The following TBC1D23 variants were observed in gnomAD, a reference collection of about 807,000 sequenced individuals.
TBC1D23 encodes HCV non-structural protein 4A-transactivated protein 1.
TBC1D23 carries 55 observed loss-of-function variants against 91.4 expected under a neutral mutation model. The ratio of observed to expected loss-of-function variants is 0.60; its 90% confidence interval spans 0.48 to 0.75. The LOEUF is 0.75. Among genes scored for constraint, TBC1D23 ranks in the 30% least tolerant of loss-of-function variants. TBC1D23 has a pLI of 0.00. For missense variants in TBC1D23, 725 were observed against 836.1 expected (o/e 0.87, Z 1.64); for synonymous variants, 289 against 281.0 (o/e 1.03, Z -0.28).
At chr3:100,320,373 A>C (rs1356123442) in intron 17 of TBC1D23, among the ~76,000 whole-genome samples, 1 of 152,184 alleles carries the variant, frequency 6.6e-6, no homozygotes, top group South Asian at 2.1e-4. Flanking sequence ...GAAACCCAAC[A>C]ATTGCCTAGT....
chr3:100,308,475 T>C (rs1374494471), intron 13 of TBC1D23, among the ~76,000 whole-genome samples: 1 of 144,766 alleles, frequency 6.9e-6, no homozygotes, highest in Admixed American at 6.9e-5. Flanking sequence ...AGACTCCGTC[T>C]CAAAAAAAAA....
In TBC1D23 at chr3:100,323,890, C is replaced by T. The variant is rs1260735402; in HGVS notation, c.*222C>T. 9.6e-6 allele frequency: 2 copies of T among 208,198 alleles called. No homozygotes were observed. The highest frequency in any genetic ancestry group is 2.0e-5 in the Non-Finnish European group (2 of 101,986). The allele number at this position is 208,198 out of a possible 1,614,324, so 12.9% of individuals were successfully genotyped here. A position where few individuals can be genotyped will look rare whatever the true frequency, so the allele number is the denominator to read the frequency against. On this transcript the variant is annotated 3_prime_UTR_variant, in exon 19 of 19. Coordinates refer to ENST00000394144, the MANE Select transcript of TBC1D23 (RefSeq NM_001199198.3). ...TTATAAAATGATGTATTATAAAGGT[C>T]AGTTATTAAATTACTTTGAAGTAAC...
chr3:100,273,990 A>G (rs1288260389), intron 1 of TBC1D23, among the ~76,000 whole-genome samples: 1 of 152,190 alleles, frequency 6.6e-6, no homozygotes, highest in East Asian at 1.9e-4. Context: ...ATATATGTCT[A>G]TATATATGTC....
chr3:100,301,564 G>A (rs1448533993), intron 10 of TBC1D23, among the ~76,000 whole-genome samples: 1 of 152,002 alleles, frequency 6.6e-6, no homozygotes, highest in African/African-American at 2.4e-5. Context: ...TGTAGTTATT[G>A]TCGTACTTGT....
chr3:100,277,242 C>A (rs1211709756), intron 1 of TBC1D23, among the ~76,000 whole-genome samples: 1 of 152,250 alleles, frequency 6.6e-6, no homozygotes, highest in Non-Finnish European at 1.5e-5. Context: ...TAACAATTTT[C>A]AGCTCTTTAC....
At chr3:100,302,938 A>G (rs1419037457) in intron 11 of TBC1D23, among the ~76,000 whole-genome samples, 2 of 152,218 alleles carry the variant, frequency 1.3e-5, no homozygotes, top group Admixed American at 1.3e-4. Context: ...TACTTTTTAC[A>G]GTAACTATAT....
rs1022727687 is a variant in TBC1D23 at position 100,295,208 on chromosome 3, C to G, written c.722C>G (p.Ala241Gly). 1.3e-6 allele frequency: 2 copies of G among 1,598,576 alleles called. No individual in the cohort carries two copies. The highest frequency in any genetic ancestry group is 1.7e-6 in the Non-Finnish European group (2 of 1,174,800). ...YFLMLIILVN[A>G]KEVILTQESD... ...TTAATGTTAATTATCCTTGTTAATG[C>G]AAAGTAAGTATCTGGTTGGTTAGAT... The change falls in exon 6 of 19, where the codon GCA becomes GGA. Residue 241 changes from alanine to glycine, a missense_variant. Coordinates refer to ENST00000394144, the MANE Select transcript of TBC1D23 (RefSeq NM_001199198.3).
Position 100,286,011 on chromosome 3 carries a change from C to T in TBC1D23, c.476+2200C>T, listed in dbSNP as rs1042775012. On this transcript the variant is annotated intron_variant, in intron 4 of 18. Transcript: ENST00000394144. ...TCAGATATAAGTGGACTGCAAAGAG[C>T]ATAGGTATAGATATTTTTAAATCTC... Among the ~76,000 whole-genome samples, 2 of 151,960 alleles carry T rather than the reference C, an allele frequency of 1.3e-5. 1 individual carries two copies. Among genetic ancestry groups the T allele is most frequent in the Admixed American group, 1.3e-4 (2 of 15,260 alleles).
intron 5 of TBC1D23, among the ~76,000 whole-genome samples, chr3:100,294,265 ATT>A (rs775757936): frequency 2.8e-5 from 4 of 143,484 alleles, no homozygotes; most frequent in Admixed American, 7.0e-5. Context: ...TTTTGTGTTT[ATT>A]TTTTTTTTTT....
chr3:100,320,515 A>G (rs1018688839), intron 17 of TBC1D23, among the ~76,000 whole-genome samples: 1 of 152,162 alleles, frequency 6.6e-6, no homozygotes, highest in Admixed American at 6.5e-5. Context: ...AGTGATTTCT[A>G]TGTTGTATGG....
rs558772113 is a variant in TBC1D23, at chr3:100,316,277, T to A, written c.1687+90T>A. 6.3e-4 allele frequency: 570 copies of A among 906,336 alleles called. 3 individuals are homozygous for A. In the South Asian group the frequency reaches 7.9e-3, roughly 12 times the overall value. 56.1% of individuals were successfully genotyped at this position (906,336 alleles called of 1,614,324 possible). A position where few individuals can be genotyped will look rare whatever the true frequency, so the allele number is the denominator to read the frequency against. Reference sequence around the variant, plus strand: ...TGGGAATAGCCAATCAACTGCTTTTTTAAAAAAATGAGATTCTGTAGAAAT... The same window carrying A: ...TGGGAATAGCCAATCAACTGCTTTTATAAAAAAATGAGATTCTGTAGAAAT... On this transcript the variant is annotated intron_variant, in intron 16 of 18. Transcript: ENST00000394144.
intron 1 of TBC1D23, among the ~76,000 whole-genome samples, chr3:100,275,715 G>C (rs891876980): frequency 6.6e-6 from 1 of 152,042 alleles, no homozygotes; most frequent in African/African-American, 2.4e-5. Context: ...TGATACTTGT[G>C]TTCAAAATTA....
At chr3:100,293,366 C>T (rs1212222738) in intron 5 of TBC1D23, among the ~76,000 whole-genome samples, 1 of 152,138 alleles carries the variant, frequency 6.6e-6, no homozygotes, top group Non-Finnish European at 1.5e-5. Context: ...ATCTCCTGAC[C>T]TCGTGATCCA....
rs1705906364 is a variant in TBC1D23 at position 100,323,770 on chromosome 3, G to T, written c.*102G>T. The T allele has an allele frequency of 2.3e-6, 1 of 429,130 alleles. No homozygotes were observed. Among genetic ancestry groups the T allele is most frequent in the Non-Finnish European group, 3.9e-6 (1 of 259,176 alleles). 26.6% of individuals were successfully genotyped at this position (429,130 alleles called of 1,614,324 possible). On this transcript the variant is annotated 3_prime_UTR_variant, in exon 19 of 19. Transcript: ENST00000394144. ...ACTGGAGACCTTTCATTTGCTCATG[G>T]GGCTGCTTAAATAGCAGGTCTAAGA...
chr3:100,312,781 A>G (rs961691417), intron 15 of TBC1D23, among the ~76,000 whole-genome samples: 2 of 152,112 alleles, frequency 1.3e-5, no homozygotes, highest in African/African-American at 4.8e-5. Flanking sequence ...GGAATAATGG[A>G]ATGGAATTTT....
chr3:100,311,335 A>G (rs912259155), intron 14 of TBC1D23, among the ~76,000 whole-genome samples: 5 of 152,216 alleles, frequency 3.3e-5, no homozygotes, highest in African/African-American at 1.2e-4. Context: ...TAAGTATAGT[A>G]TATATGCATA....
intron 1 of TBC1D23, among the ~76,000 whole-genome samples, chr3:100,277,086 C>G (rs9880795): frequency 0.32 from 48,700 of 152,010 alleles, 8,892 homozygotes; most frequent in Non-Finnish European, 0.41. Flanking sequence ...TCATACCACA[C>G]CAGACATGGA....
intron 1 of TBC1D23, among the ~76,000 whole-genome samples, chr3:100,264,749 G>A (rs967667828): frequency 6.6e-6 from 1 of 152,118 alleles, no homozygotes; most frequent in African/African-American, 2.4e-5. Context: ...TCTTAAAAAG[G>A]CTCAGGATGG....
Position 100,295,067 on chromosome 3 carries a change from A to G in TBC1D23, c.601-20A>G. ...TCACCTCCAGTGGTTTATGTCTCTC[A>G]TTTCATTTCCTGATTACAGCTTGGA... On this transcript the variant is annotated intron_variant, in intron 5 of 18. Coordinates refer to ENST00000394144, the MANE Select transcript of TBC1D23 (RefSeq NM_001199198.3). 1 of 1,555,920 alleles carries G rather than the reference A, an allele frequency of 6.4e-7. No individual in the cohort carries two copies. Among genetic ancestry groups the G allele is most frequent in the East Asian group, 2.3e-5 (1 of 44,224 alleles).
Sources: allele counts gnomAD v4.1 joint callset (sites outside exome capture counted in the v4.1 genomes callset), GRCh38; gene constraint gnomAD v4.1.1; transcripts MANE v1.5; gene names NCBI Gene and HGNC (gene_info 2026-07-23, HGNC 2026-07-21).